The following KIF21A variants were observed in gnomAD, a reference collection of about 807,000 sequenced individuals.
KIF21A encodes the protein kinesin family member 21A.
In KIF21A, 114 loss-of-function variants were observed where a neutral mutation model predicts 202.9. The observed-to-expected ratio is 0.56, with a 90% CI of 0.48 to 0.66. The LOEUF (loss-of-function observed/expected upper bound fraction) is 0.66. KIF21A is among the 30% of genes least tolerant of loss of function. The pLI is 0.00. For missense variants in KIF21A, 1,677 were observed against 1,994.9 expected, an observed-to-expected ratio of 0.84 and a Z score of 3.04; for synonymous variants, 667 against 670.8, an observed-to-expected ratio of 0.99 and a Z score of 0.09.
intron 1 of KIF21A, among the ~76,000 whole-genome samples, chr12:39,405,316 C>T (rs1157931333): frequency 1.3e-5 from 2 of 152,114 alleles, no homozygotes; most frequent in African/African-American, 2.4e-5. Flanking sequence ...TGTGCCATTA[C>T]ACTCCAGCCT....
chr12:39,319,155 GAAATT>G (rs985178182), intron 28 of KIF21A, among the ~76,000 whole-genome samples: 1 of 152,112 alleles, frequency 6.6e-6, no homozygotes, highest in African/African-American at 2.4e-5. Context: ...TTATGTCAAA[GAAATT>G]AAAGTAATTC....
chr12:39,326,013 ATATT>A (rs55731809), intron 25 of KIF21A, 120 bp from the exon 26 acceptor site: 66,691 of 737,010 alleles, frequency 0.09, 5,002 homozygotes, highest in South Asian at 0.28. Context: ...CAGAAAGACA[ATATT>A]TAAAGTCAAA....
At chr12:39,394,898 G>C (rs1452938958) in intron 1 of KIF21A, among the ~76,000 whole-genome samples, 1 of 152,116 alleles carries the variant, frequency 6.6e-6, no homozygotes, top group Non-Finnish European at 1.5e-5. Context: ...ACACATCTCT[G>C]CTCTTCCCAC....
chr12:39,304,658 A>G (rs1943283422), intron 35 of KIF21A, among the ~76,000 whole-genome samples, 163 bp downstream of exon 35: 1 of 152,238 alleles, frequency 6.6e-6, no homozygotes. Flanking sequence ...TTGAACAATA[A>G]GACAACAAAA....
In KIF21A at chr12:39,358,287, C is replaced by T. The variant is rs1948948515; in HGVS notation, c.1106G>A (p.Arg369Lys). 6.2e-7 allele frequency: 1 copy of T among 1,614,076 alleles called. No homozygotes were observed. The highest frequency in any genetic ancestry group is 2.2e-5 in the East Asian group (1 of 44,868). ...GACCATCACCTTATTCTTGATATTT[C>T]TAGCTCGATTGGCGTATTTCAGGGT... ...LNTLKYANRA[R>K]NIKNKVMVNQ... Residue 369 changes from arginine (R) to lysine (K), a missense_variant, in exon 8 of 38, where the codon AGA becomes AAA. Physicochemically the swap from Arg to Lys is conservative, Grantham distance 26. This residue lies in a region of KIF21A where 966 missense variants were observed against 1,180.9 expected (regional missense o/e 0.82). Transcript: ENST00000361418.
At chr12:39,320,120 A>G in intron 27 of KIF21A, 107 bp from the exon 28 acceptor site, 1 of 667,318 alleles carries the variant, frequency 1.5e-6, no homozygotes. Context: ...GGAACCTCAG[A>G]AAGATTATTA....
intron 35 of KIF21A, among the ~76,000 whole-genome samples, chr12:39,303,941 C>T (rs1398061652): frequency 6.6e-6 from 1 of 151,942 alleles, no homozygotes; most frequent in Non-Finnish European, 1.5e-5. Flanking sequence ...TTCTTTTTAC[C>T]CTTCCCTTCT....
chr12:39,432,274 A>G (rs987927889), intron 1 of KIF21A, among the ~76,000 whole-genome samples: 1 of 152,218 alleles, frequency 6.6e-6, no homozygotes, highest in African/African-American at 2.4e-5. Context: ...TTAAAATTAA[A>G]TATCAATATA....
At chr12:39,338,713 C>T (rs117567531) in intron 16 of KIF21A, among the ~76,000 whole-genome samples, 2 of 152,084 alleles carry the variant, frequency 1.3e-5, no homozygotes, top group Non-Finnish European at 2.9e-5. Flanking sequence ...GGTTTCCCAG[C>T]GCATATAAAG....
At chr12:39,357,716 C>A (rs1186265176) in intron 8 of KIF21A, among the ~76,000 whole-genome samples, 1 of 151,430 alleles carries the variant, frequency 6.6e-6, no homozygotes, top group Non-Finnish European at 1.5e-5. Flanking sequence ...TCAAGACCAG[C>A]CTGGCCAACG....
At chr12:39,318,882 G>A (rs551710998) in intron 28 of KIF21A, among the ~76,000 whole-genome samples, 2 of 152,248 alleles carry the variant, frequency 1.3e-5, no homozygotes, top group Admixed American at 1.3e-4. Context: ...TCGGGAGACT[G>A]AGGCAGGAGA....
chr12:39,351,750 C>A, intron 11 of KIF21A, 27 bp downstream of exon 11: 1 of 1,320,408 alleles, frequency 7.6e-7, no homozygotes. Context: ...AATAGAGATT[C>A]ATTTAGTGGT....
chr12:39,316,977 G>A lies in KIF21A; in HGVS notation c.3909-1007C>T, dbSNP rs149682436. On this transcript the variant is annotated intron_variant, in intron 29 of 37. Coordinates refer to ENST00000361418, the MANE Select transcript of KIF21A (RefSeq NM_001173464.2). ...GTAGACACAAATTTAGCAACTCTTC[G>A]TATACCTAGTGAAACTTGACTTCCC... Among the ~76,000 whole-genome samples the A allele has an allele frequency of 5.7e-3, 868 of 152,186 alleles. 13 individuals carry two copies. Among genetic ancestry groups the A allele is most frequent in the East Asian group, 0.046 (238 of 5,174 alleles).
intron 1 of KIF21A, among the ~76,000 whole-genome samples, chr12:39,395,587 A>G: frequency 6.6e-6 from 1 of 152,100 alleles, no homozygotes; most frequent in Non-Finnish European, 1.5e-5. Flanking sequence ...GACGCCTGTA[A>G]TCCCAGCACT....
At chr12:39,335,407 T>C (rs1946875688) in intron 17 of KIF21A, among the ~76,000 whole-genome samples, 2 of 118,538 alleles carry the variant, frequency 1.7e-5, no homozygotes, top group Non-Finnish European at 3.3e-5. Context: ...TAAGACTCTG[T>C]CTCAAAAAAA....
chr12:39,321,585 A>G (rs1442467536), intron 27 of KIF21A: 1 of 152,244 alleles, frequency 6.6e-6, no homozygotes, highest in Non-Finnish European at 1.5e-5. Context: ...GGCCACCTCA[A>G]GCACATGCAA....
intron 1 of KIF21A, among the ~76,000 whole-genome samples, chr12:39,387,754 G>A (rs1951051475): frequency 6.6e-6 from 1 of 152,034 alleles, no homozygotes; most frequent in East Asian, 1.9e-4. Context: ...CAGAACTTGG[G>A]GAGAGAGCTG....
intron 11 of KIF21A, among the ~76,000 whole-genome samples, chr12:39,347,792 A>T (rs529859890): frequency 6.6e-6 from 1 of 152,048 alleles, no homozygotes; most frequent in Non-Finnish European, 1.5e-5. Flanking sequence ...ACCCAACACC[A>T]CTAAATACAA....
chr12:39,363,123 G>A lies in KIF21A; in HGVS notation c.994C>T (p.Leu332=). 6.2e-7 allele frequency: 1 copy of A among 1,611,292 alleles called. No individual in the cohort carries two copies. Among genetic ancestry groups the A allele is most frequent in the Non-Finnish European group, 8.5e-7 (1 of 1,177,596 alleles). The part of the protein sequence containing the change: ...PYRDSKLTRL[L]QDSLGGNSQT... ...CTATTACCCCCGAGGGAATCCTGTAGTAGTCTTGTTAGCTTGGAATCTCTA... is the reference window on the plus strand; with the variant it reads ...CTATTACCCCCGAGGGAATCCTGTAATAGTCTTGTTAGCTTGGAATCTCTA... The change falls in exon 7 of 38, where the codon CTA becomes TTA. Residue 332 remains leucine, a synonymous_variant. Transcript: ENST00000361418.
Sources: gnomAD v4.1 joint callset for allele counts (sites outside exome capture counted in the v4.1 genomes callset) on GRCh38, gnomAD v4.1.1 for gene constraint, gnomAD v4.1.1 regional missense constraint, MANE v1.5 for transcripts, NCBI Gene and HGNC (gene_info 2026-07-23, HGNC 2026-07-21) for gene names.